NBAS: variants seen among roughly 807,000 people sequenced by gnomAD.
NBAS encodes the protein NBAS subunit of NRZ tethering complex, also known as NAG/BC035112 fusion.
A neutral mutation model predicts 302.5 loss-of-function variants in NBAS; 219 were observed. The observed-to-expected ratio is 0.72, with a 90% CI of 0.65 to 0.81. The LOEUF (loss-of-function observed/expected upper bound fraction) is 0.81. Among genes scored for constraint, NBAS ranks in the 30% least tolerant of loss-of-function variants. The pLI, the probability that NBAS is intolerant of heterozygous loss-of-function variation, is 0.00. For synonymous variants in NBAS, 1,118 were observed against 1,021.6 expected, an observed-to-expected ratio of 1.09 and a Z score of -1.80; for missense variants, 2,932 against 2,841.6, an observed-to-expected ratio of 1.03 and a Z score of -0.72.
At chr2:15,008,716 G>A in the NBAS span, among the ~76,000 whole-genome samples, 1 of 152,128 alleles carries the variant, frequency 6.6e-6, no homozygotes, top group Non-Finnish European at 1.5e-5. Context: ...GTGAAATCAG[G>A]TACACATTGT....
chr2:15,209,303 G>C (rs1270829505), intron 48 of NBAS, among the ~76,000 whole-genome samples: 1 of 151,896 alleles, frequency 6.6e-6, no homozygotes, highest in African/African-American at 2.4e-5. Context: ...GAAGCCATAA[G>C]TCTCCCAGTA....
Position 15,475,715 on chromosome 2 carries a change from G to GT in NBAS, c.1312dup (p.Thr438AsnfsTer3). On this transcript the variant is annotated frameshift_variant, in exon 14 of 52. Coordinates refer to ENST00000281513, the MANE Select transcript of NBAS (RefSeq NM_015909.4). LOFTEE classifies it high-confidence loss of function. ...CAAACTTAAAAATCCCCCATCATGGGTAGCAGTGACTTGAGGTGATGGTTC... is the reference window on the plus strand; with the variant it reads ...CAAACTTAAAAATCCCCCATCATGGGTTAGCAGTGACTTGAGGTGATGGTTC... 1 of 1,614,068 alleles carries GT rather than the reference G, an allele frequency of 6.2e-7. No individual in the cohort carries two copies. Among genetic ancestry groups the GT allele is most frequent in the South Asian group, 1.1e-5 (1 of 91,078 alleles).
At position 15,379,823 on chromosome 2, in the gene NBAS, T is replaced by G; in HGVS notation, c.3369A>C (p.Thr1123=). The stretch of plus-strand genomic sequence containing the variant: ...GGCGACTAGAGCACAGAAGGCTTTC[T>G]GTAAATATCTGGAAAAAAGGAGAAA... ...LDSDACYEIF[T]ESLLCSSRLE... The change falls in exon 30 of 52, where the codon ACA becomes ACC. Residue 1123 remains threonine, a synonymous_variant. Coordinates refer to ENST00000281513, the MANE Select transcript of NBAS (RefSeq NM_015909.4). 1 of 1,613,740 alleles carries G rather than the reference T, an allele frequency of 6.2e-7. No individual in the cohort carries two copies. Among genetic ancestry groups the G allele is most frequent in the East Asian group, 2.2e-5 (1 of 44,844 alleles).
At chr2:14,789,137 A>G in the NBAS span, among the ~76,000 whole-genome samples, 5 of 152,186 alleles carry the variant, frequency 3.3e-5, no homozygotes, top group African/African-American at 1.2e-4. Context: ...CCTCTGAGCC[A>G]TGTGCGGGAT....
chr2:15,467,893 A>T, intron 17 of NBAS, 89 bp from the exon 18 acceptor site: 1 of 1,104,980 alleles, frequency 9.0e-7, no homozygotes. Flanking sequence ...TGATTTCATT[A>T]TTGATTTCCA....
At chr2:14,881,136 C>G in the NBAS span, among the ~76,000 whole-genome samples, 3 of 152,218 alleles carry the variant, frequency 2.0e-5, no homozygotes, top group Admixed American at 6.5e-5. Flanking sequence ...TATATGTACA[C>G]CATGGTATAC....
intron 25 of NBAS, among the ~76,000 whole-genome samples, chr2:15,412,015 A>G (rs1676711847): frequency 6.6e-6 from 1 of 152,094 alleles, no homozygotes; most frequent in South Asian, 2.1e-4. Flanking sequence ...ATCAGAAAGG[A>G]GTGCTTTAAG....
At chr2:15,029,882 G>T in the NBAS span, among the ~76,000 whole-genome samples, 1 of 152,340 alleles carries the variant, frequency 6.6e-6, no homozygotes, top group African/African-American at 2.4e-5. Context: ...CAGGGGAGGG[G>T]AAGAGGGAGA....
At chr2:15,341,292 T>A (rs1672837414) in intron 35 of NBAS, among the ~76,000 whole-genome samples, 1 of 151,958 alleles carries the variant, frequency 6.6e-6, no homozygotes, top group Non-Finnish European at 1.5e-5. Context: ...GAGCTGATGC[T>A]TGAGAATTGC....
At chr2:14,889,559 A>T in the NBAS span, among the ~76,000 whole-genome samples, 2 of 152,206 alleles carry the variant, frequency 1.3e-5, no homozygotes, top group Non-Finnish European at 2.9e-5. Context: ...TAAAATCCAA[A>T]AAAGAGATCC....
chr2:14,785,516 G>A, the NBAS span, among the ~76,000 whole-genome samples: 8 of 152,152 alleles, frequency 5.3e-5, no homozygotes, highest in African/African-American at 1.7e-4. Flanking sequence ...TTTATTGAGA[G>A]TTTTTAGCAT....
chr2:15,114,083 C>A, the NBAS span, among the ~76,000 whole-genome samples: 2 of 152,116 alleles, frequency 1.3e-5, no homozygotes, highest in Non-Finnish European at 2.9e-5. Flanking sequence ...CAGCAAACAC[C>A]AGACTGTGAG....
chr2:15,371,008 C>T (rs187508466), intron 31 of NBAS, among the ~76,000 whole-genome samples: 410 of 152,198 alleles, frequency 2.7e-3, no homozygotes, highest in Middle Eastern at 6.8e-3. Context: ...TCTGTGTCCC[C>T]ACTCAAATTT....
intron 50 of NBAS, among the ~76,000 whole-genome samples, chr2:15,184,481 G>A (rs541947759): frequency 2.6e-5 from 4 of 151,564 alleles, no homozygotes; most frequent in South Asian, 4.2e-4. Flanking sequence ...CTACAGTGAC[G>A]CATCATCATA....
At chr2:15,320,601 A>G (rs1671754337) in intron 38 of NBAS, among the ~76,000 whole-genome samples, 1 of 152,214 alleles carries the variant, frequency 6.6e-6, no homozygotes, top group Admixed American at 6.5e-5. Context: ...CTACACACCA[A>G]TAACAGACAA....
At chr2:15,124,581 C>A in the NBAS span, among the ~76,000 whole-genome samples, 4 of 152,182 alleles carry the variant, frequency 2.6e-5, no homozygotes, top group African/African-American at 9.7e-5. Flanking sequence ...CAGCTCCTCC[C>A]ATCACAAGTC....
the NBAS span, among the ~76,000 whole-genome samples, chr2:15,022,437 C>A: frequency 6.6e-6 from 1 of 152,164 alleles, no homozygotes; most frequent in Non-Finnish European, 1.5e-5. Context: ...ATTGTCAATT[C>A]ATTTAGGAGT....
At chr2:14,788,490 T>G in the NBAS span, among the ~76,000 whole-genome samples, 1 of 152,194 alleles carries the variant, frequency 6.6e-6, no homozygotes, top group Non-Finnish European at 1.5e-5. Flanking sequence ...GATGTACAGA[T>G]GGGTTTTTGG....
At chr2:15,328,093 A>G in intron 37 of NBAS, 106 bp downstream of exon 37, 2 of 1,254,088 alleles carry the variant, frequency 1.6e-6, no homozygotes, top group Non-Finnish European at 2.3e-6. Flanking sequence ...AACATGAGTA[A>G]GAACCAAGAC....
Sources: gnomAD v4.1 joint callset for allele counts (sites outside exome capture counted in the v4.1 genomes callset) on GRCh38, gnomAD v4.1.1 for gene constraint, MANE v1.5 for transcripts, NCBI Gene and HGNC (gene_info 2026-07-23, HGNC 2026-07-21) for gene names.